The following MYCBP2 variants were observed in gnomAD, a reference collection of about 807,000 sequenced individuals.
MYCBP2 encodes the protein E3 ubiquitin-protein ligase MYCBP2.
MYCBP2 carries 120 observed loss-of-function variants against 525.3 expected under a neutral mutation model. The observed-to-expected ratio is 0.23, with a 90% CI of 0.20 to 0.27. MYCBP2 has a LOEUF of 0.27. MYCBP2 is among the 10% of genes least tolerant of loss of function. The probability of loss-of-function intolerance (pLI) is 1.00; values close to 1 mark genes in which losing one functional copy is unlikely to be tolerated. For missense variants in MYCBP2, 4,149 were observed against 5,657.1 expected, an observed-to-expected ratio of 0.73 and a Z score of 8.55; for synonymous variants, 1,894 against 1,955.8, an observed-to-expected ratio of 0.97 and a Z score of 0.83.
At chr13:77,114,347 T>C (rs992871253) in intron 55 of MYCBP2, among the ~76,000 whole-genome samples, 4 of 152,094 alleles carry the variant, frequency 2.6e-5, no homozygotes, top group Non-Finnish European at 5.9e-5. Flanking sequence ...AAGGCAATAA[T>C]AACATCAAAA....
At chr13:77,204,639 A>G (rs1306088501) in intron 26 of MYCBP2, among the ~76,000 whole-genome samples, 500 of 127,448 alleles carry the variant, frequency 3.9e-3, no homozygotes, top group East Asian at 8.1e-3. Flanking sequence ...CAAAGACTTG[A>G]AACCAACCCA....
intron 11 of MYCBP2, among the ~76,000 whole-genome samples, chr13:77,261,630 G>A (rs968884599): frequency 2.6e-5 from 4 of 151,910 alleles, no homozygotes; most frequent in Non-Finnish European, 5.9e-5. Flanking sequence ...ACAATTCACA[G>A]CACCCTAAAA....
At chr13:77,250,171 C>T (rs1258416796) in intron 15 of MYCBP2, among the ~76,000 whole-genome samples, 1 of 148,910 alleles carries the variant, frequency 6.7e-6, no homozygotes, top group East Asian at 2.0e-4. Flanking sequence ...TGCAGTGAGC[C>T]GAGATCCCGC....
At chr13:77,059,361 T>C (rs2038843130) in intron 77 of MYCBP2, among the ~76,000 whole-genome samples, 162 bp downstream of exon 77, 1 of 152,146 alleles carries the variant, frequency 6.6e-6, no homozygotes, top group East Asian at 1.9e-4. Flanking sequence ...GAGCCTTATT[T>C]GACCCATTCT....
intron 5 of MYCBP2, among the ~76,000 whole-genome samples, chr13:77,273,035 C>T (rs563705442): frequency 8.2e-4 from 124 of 152,076 alleles, no homozygotes; most frequent in Non-Finnish European, 1.3e-3. Context: ...AACTCAGAAA[C>T]GAATCAATTC....
intron 1 of MYCBP2, among the ~76,000 whole-genome samples, chr13:77,310,093 G>A (rs1014394323): frequency 1.6e-4 from 24 of 152,050 alleles, no homozygotes; most frequent in African/African-American, 4.1e-4. Flanking sequence ...GCCTGGCAAC[G>A]GAGTGAGACT....
intron 14 of MYCBP2, among the ~76,000 whole-genome samples, chr13:77,256,702 T>C (rs2154334539): frequency 6.6e-6 from 1 of 152,096 alleles, no homozygotes; most frequent in South Asian, 2.1e-4. Context: ...CCAGTTAACG[T>C]GGCTTTTATC....
At chr13:77,223,585 G>A (rs756019041) in intron 20 of MYCBP2, among the ~76,000 whole-genome samples, 2 of 152,104 alleles carry the variant, frequency 1.3e-5, no homozygotes, top group Non-Finnish European at 2.9e-5. Flanking sequence ...TATTTCTCAC[G>A]CAAGAAGCAT....
chr13:77,156,058 C>T lies in MYCBP2; in HGVS notation c.6915G>A (p.Lys2305=). 2 of 1,610,000 alleles carry T rather than the reference C, an allele frequency of 1.2e-6. No homozygotes were observed. Among genetic ancestry groups the T allele is most frequent in the Non-Finnish European group, 1.7e-6 (2 of 1,177,748 alleles). The change falls in exon 46 of 83, where the codon AAG becomes AAA. Residue 2305 remains lysine (K), a splice_region_variant and synonymous_variant. Transcript: ENST00000544440. ...GCTAATTTAATCCAGTTATAATTAC[C>T]TTCATATTGGGAACATGTACCACAT... ...YGDVVHVPNM[K]VEVKAVPVSQ...
intron 52 of MYCBP2, among the ~76,000 whole-genome samples, chr13:77,130,426 T>C (rs1187724911): frequency 6.6e-6 from 1 of 151,914 alleles, no homozygotes; most frequent in African/African-American, 2.4e-5. Context: ...TATGGATATA[T>C]ACATATATAT....
Position 77,243,861 on chromosome 13 carries a change from T to A in MYCBP2, c.2472A>T (p.Arg824Ser). ...CARELDGQEA[R>S]QRGILDAVKE... ...TCACTGCATCAAGAATTCCTCTTTGTCTTGCCTCTTGACCATCTAACTCTC... is the reference window on the plus strand; with the variant it reads ...TCACTGCATCAAGAATTCCTCTTTGACTTGCCTCTTGACCATCTAACTCTC... Residue 824 changes from arginine (R) to serine (S), a missense_variant, in exon 16 of 83, where the codon AGA becomes AGT. This residue lies in a region of MYCBP2 where 620 missense variants were observed against 795.5 expected (regional missense o/e 0.78). Transcript: ENST00000544440. 1 of 1,613,634 alleles carries A rather than the reference T, an allele frequency of 6.2e-7. No homozygotes were observed. The highest frequency in any genetic ancestry group is 1.1e-5 in the South Asian group (1 of 91,056).
At chr13:77,206,512 C>A in intron 24 of MYCBP2, 141 bp downstream of exon 24, 1 of 781,114 alleles carries the variant, frequency 1.3e-6, no homozygotes, top group Admixed American at 3.7e-5. Flanking sequence ...GAATTAGCCT[C>A]TTAGAGGATT....
At chr13:77,215,330 T>G (rs2064665925) in intron 21 of MYCBP2, among the ~76,000 whole-genome samples, 1 of 152,030 alleles carries the variant, frequency 6.6e-6, no homozygotes, top group Non-Finnish European at 1.5e-5. Context: ...CTATACACCT[T>G]CAGACTTGGG....
intron 14 of MYCBP2, 61 bp from the exon 15 acceptor site, chr13:77,251,416 G>A (rs1594348154): frequency 5.8e-6 from 8 of 1,383,456 alleles, no homozygotes; most frequent in African/African-American, 2.8e-5. Context: ...AAAGATGGAT[G>A]ACTATATTTC....
chr13:77,179,121 A>G (rs973386392), intron 34 of MYCBP2, among the ~76,000 whole-genome samples: 4 of 152,196 alleles, frequency 2.6e-5, no homozygotes, highest in Middle Eastern at 6.3e-3. Flanking sequence ...TGAAATTCTA[A>G]AGGCTAAACT....
intron 14 of MYCBP2, among the ~76,000 whole-genome samples, chr13:77,255,435 T>C (rs1403887877): frequency 6.6e-6 from 1 of 151,958 alleles, no homozygotes; most frequent in Non-Finnish European, 1.5e-5. Flanking sequence ...ATCTAGAACA[T>C]AGGTGTAAAT....
chr13:77,056,823 A>G (rs1322325254), intron 79 of MYCBP2, among the ~76,000 whole-genome samples, 163 bp downstream of exon 79: 2 of 152,254 alleles, frequency 1.3e-5, no homozygotes, highest in Admixed American at 6.5e-5. Context: ...GAGATGCATT[A>G]TAACAGAGAG....
In MYCBP2 at chr13:77,154,854, T is replaced by C. The variant is rs372685334; in HGVS notation, c.6915+1204A>G. Among the ~76,000 whole-genome samples, 10 of 152,212 alleles carry C rather than the reference T, an allele frequency of 6.6e-5. No homozygotes were observed. In the East Asian group the frequency reaches 1.7e-3, roughly 26 times the overall value. On this transcript the variant is annotated intron_variant, in intron 46 of 82. Transcript: ENST00000544440. Reference sequence around the variant, plus strand: ...ATAATTTGTGATGCTTTTTGCATTGTATAGAATAATTCCAAGTAGGCATGA... The same window carrying C: ...ATAATTTGTGATGCTTTTTGCATTGCATAGAATAATTCCAAGTAGGCATGA...
At chr13:77,077,416 T>C (rs1186034462) in intron 66 of MYCBP2, 29 bp from the exon 67 acceptor site, 1 of 1,611,618 alleles carries the variant, frequency 6.2e-7, no homozygotes, top group Admixed American at 1.7e-5. Context: ...GGCAGGAACC[T>C]GATTCAGCTG....
Sources: gnomAD v4.1 joint callset for allele counts (sites outside exome capture counted in the v4.1 genomes callset) on GRCh38, gnomAD v4.1.1 for gene constraint, gnomAD v4.1.1 regional missense constraint, MANE v1.5 for transcripts, NCBI Gene and HGNC (gene_info 2026-07-23, HGNC 2026-07-21) for gene names.